The following ASB7 variants were observed in gnomAD, a reference collection of about 807,000 sequenced individuals.
ASB7 encodes the protein ankyrin repeat and SOCS box protein 7.
Under a neutral mutation model 32.5 loss-of-function variants are expected in ASB7, and 4 were observed. The observed-to-expected ratio is 0.12, with a 90% CI of 0.06 to 0.28. The LOEUF (loss-of-function observed/expected upper bound fraction) is 0.28, where lower values mean the gene tolerates loss of function less well. ASB7 is among the 10% of genes least tolerant of loss of function. The pLI is 1.00. For synonymous variants in ASB7, 172 were observed against 155.6 expected, an observed-to-expected ratio of 1.11 and a Z score of -0.78; for missense variants, 181 against 407.1, an observed-to-expected ratio of 0.44 and a Z score of 4.78.
intron 4 of ASB7, among the ~76,000 whole-genome samples, chr15:100,624,921 C>T (rs2039824861): frequency 6.6e-6 from 1 of 152,080 alleles, no homozygotes; most frequent in African/African-American, 2.4e-5. Context: ...AATATTATGC[C>T]CAAGTAGTAT....
intron 5 of ASB7, among the ~76,000 whole-genome samples, chr15:100,644,842 C>A (rs1264369582): frequency 6.6e-6 from 1 of 151,456 alleles, no homozygotes; most frequent in Non-Finnish European, 1.5e-5. Flanking sequence ...GTGTGTGTCA[C>A]ATCCCTGTAC....
chr15:100,619,829 C>G (rs1480960358), intron 4 of ASB7, among the ~76,000 whole-genome samples: 1 of 152,182 alleles, frequency 6.6e-6, no homozygotes, highest in African/African-American at 2.4e-5. Flanking sequence ...GCCACACTTG[C>G]TGCTGCTTCT....
rs1303975004 is a variant in ASB7 at position 100,602,811 on chromosome 15, G to A, written c.-508G>A. The A allele has an allele frequency of 5.2e-6, 2 of 385,506 alleles. No homozygotes were observed. The highest frequency in any genetic ancestry group is 9.2e-6 in the Non-Finnish European group (2 of 218,458). 23.9% of individuals were successfully genotyped at this position (385,506 alleles called of 1,614,324 possible). On this transcript the variant is annotated 5_prime_UTR_variant, in exon 1 of 6. Coordinates refer to ENST00000332783, the MANE Select transcript of ASB7 (RefSeq NM_198243.3). ...CTGGACCGGGACTGCCCCCCCACCC[G>A]AGCCAGGACTTCCTCCCTGCCTCCC...
rs1450762940 is a variant in ASB7 at position 100,602,869 on chromosome 15, G to C, written c.-450G>C. On this transcript the variant is annotated 5_prime_UTR_variant, in exon 1 of 6. Transcript: ENST00000332783. ...CTGCCCCAAGGCTGCCCGGCGGCCGGGATCGCCACCTCCTGCCTTCTCGGC... is the reference window on the plus strand; with the variant it reads ...CTGCCCCAAGGCTGCCCGGCGGCCGCGATCGCCACCTCCTGCCTTCTCGGC... The C allele has an allele frequency of 2.5e-6, 1 of 396,432 alleles. No individual in the cohort carries two copies. Among genetic ancestry groups the C allele is most frequent in the East Asian group, 3.6e-5 (1 of 27,966 alleles). The allele number at this position is 396,432 out of a possible 1,614,324, so 24.6% of individuals were successfully genotyped here. A position where few individuals can be genotyped will look rare whatever the true frequency, so the allele number is the denominator to read the frequency against.
intron 5 of ASB7, among the ~76,000 whole-genome samples, chr15:100,634,740 G>C (rs2039909728): frequency 6.6e-6 from 1 of 152,228 alleles, no homozygotes; most frequent in Non-Finnish European, 1.5e-5. Context: ...GGAGGCTGCA[G>C]TTACAGTGAG....
chr15:100,646,953 A>G (rs747361022), intron 5 of ASB7, among the ~76,000 whole-genome samples: 2 of 152,210 alleles, frequency 1.3e-5, no homozygotes, highest in African/African-American at 2.4e-5. Flanking sequence ...AGAAGCATAT[A>G]TGAAAATTCA....
At chr15:100,645,468 C>T in intron 5 of ASB7, 1 of 508,726 alleles carries the variant, frequency 2.0e-6, no homozygotes, top group Non-Finnish European at 3.7e-6. Context: ...TTATCTGCTC[C>T]TCCACTCGGA....
intron 2 of ASB7, among the ~76,000 whole-genome samples, chr15:100,603,632 C>T (rs190129902): frequency 6.6e-6 from 1 of 152,136 alleles, no homozygotes; most frequent in East Asian, 1.9e-4. Context: ...CCCTTCCTTA[C>T]TCTCATAGGA....
In ASB7 at chr15:100,612,154, C is replaced by G; in HGVS notation, c.-51-12C>G. The G allele has an allele frequency of 7.0e-7, 1 of 1,425,702 alleles. No homozygotes were observed. 88.3% of individuals were successfully genotyped at this position (1,425,702 alleles called of 1,614,324 possible). ...TTCTAAATTTTACCTTTTCTACCTT[C>G]TCTTCTTAAAGGCTGATCCCCGTAA... On this transcript the variant is annotated splice_polypyrimidine_tract_variant and intron_variant, in intron 3 of 5. Transcript: ENST00000332783.
intron 3 of ASB7, among the ~76,000 whole-genome samples, chr15:100,611,516 C>T (rs12438826): frequency 1.2e-5 from 1 of 83,516 alleles, no homozygotes. Flanking sequence ...ATTTCACTCT[C>T]TTGCCCAGGC....
intron 5 of ASB7, among the ~76,000 whole-genome samples, chr15:100,634,428 C>G (rs1250952723): frequency 6.6e-6 from 1 of 152,216 alleles, no homozygotes; most frequent in Non-Finnish European, 1.5e-5. Flanking sequence ...CCTCAGAATG[C>G]TTAAGCACAA....
intron 4 of ASB7, among the ~76,000 whole-genome samples, chr15:100,628,862 T>G (rs115644387): frequency 0.013 from 2,021 of 152,324 alleles, 45 homozygotes; most frequent in African/African-American, 0.043. Flanking sequence ...TTCTATCTTG[T>G]GAAAAAACAA....
intron 4 of ASB7, among the ~76,000 whole-genome samples, chr15:100,621,519 T>A: frequency 6.6e-6 from 1 of 152,190 alleles, no homozygotes. Context: ...TCTTTTACCT[T>A]TGAGTACTTT....
intron 5 of ASB7, 112 bp from the exon 6 acceptor site, chr15:100,648,211 G>T: frequency 8.6e-7 from 1 of 1,169,462 alleles, no homozygotes; most frequent in South Asian, 1.8e-5. Context: ...CCGGTCCTTT[G>T]CATGTCAAGT....
chr15:100,620,238 A>T (rs778619564), intron 4 of ASB7, among the ~76,000 whole-genome samples: 1 of 152,216 alleles, frequency 6.6e-6, no homozygotes, highest in Non-Finnish European at 1.5e-5. Flanking sequence ...TATAATACCT[A>T]ACACACTGTG....
chr15:100,621,193 T>A (rs756654008), intron 4 of ASB7, among the ~76,000 whole-genome samples: 4 of 152,240 alleles, frequency 2.6e-5, no homozygotes, highest in Non-Finnish European at 4.4e-5. Context: ...GAATTTATGT[T>A]AACTCTTTAT....
chr15:100,644,357 A>T lies in ASB7; in HGVS notation c.818-3966A>T, dbSNP rs74821440. ...TTCACATTCCAGTTTGCATTTGCAG[A>T]TCAAATACTGTAAGCATTTACTGAA... is the stretch of plus-strand genomic sequence containing the variant. On this transcript the variant is annotated intron_variant, in intron 5 of 5. Transcript: ENST00000332783. Among the ~76,000 whole-genome samples, 740 of 152,384 alleles carry T rather than the reference A, an allele frequency of 4.9e-3. 10 individuals are homozygous for T. The highest frequency in any genetic ancestry group is 0.017 in the African/African-American group (716 of 41,590).
At position 100,602,733 on chromosome 15, in the gene ASB7, C is replaced by G. The variant is rs2039559553; in HGVS notation, c.-586C>G. 8.0e-6 allele frequency: 3 copies of G among 373,480 alleles called. No individual in the cohort carries two copies. Among genetic ancestry groups the G allele is most frequent in the Non-Finnish European group, 1.4e-5 (3 of 210,664 alleles). The allele number at this position is 373,480 out of a possible 1,614,324, so 23.1% of individuals were successfully genotyped here. On this transcript the variant is annotated 5_prime_UTR_variant, in exon 1 of 6. Transcript: ENST00000332783. ...CGCCGTCCCGAGACCTCCTGGGTCCCTCCGTAGCTGGAAGCCTCCGGCCCG... is the reference window on the plus strand; with the variant it reads ...CGCCGTCCCGAGACCTCCTGGGTCCGTCCGTAGCTGGAAGCCTCCGGCCCG...
At chr15:100,634,957 C>T (rs886680462) in intron 5 of ASB7, among the ~76,000 whole-genome samples, 6 of 152,160 alleles carry the variant, frequency 3.9e-5, no homozygotes, top group Admixed American at 1.3e-4. Flanking sequence ...GGAAAGGAGG[C>T]GGTGTCTGAT....
Sources: gnomAD v4.1 joint callset for allele counts (sites outside exome capture counted in the v4.1 genomes callset) on GRCh38, gnomAD v4.1.1 for gene constraint, MANE v1.5 for transcripts, NCBI Gene and HGNC (gene_info 2026-07-23, HGNC 2026-07-21) for gene names.